The following UBE2V2 variants were observed in gnomAD, a reference collection of about 807,000 sequenced individuals.
UBE2V2 encodes ubiquitin conjugating enzyme E2 V2.
Under a neutral mutation model 17.2 loss-of-function variants are expected in UBE2V2, and 9 were observed. The ratio of observed to expected loss-of-function variants is 0.52; its 90% CI spans 0.32 to 0.91. UBE2V2 has a LOEUF of 0.91. UBE2V2 is among the 40% of genes least tolerant of loss of function. The pLI, the probability that UBE2V2 is intolerant of heterozygous loss-of-function variation, is 0.04. For synonymous variants in UBE2V2, 61 were observed against 57.5 expected, an observed-to-expected ratio of 1.06 and a Z score of -0.28; for missense variants, 133 against 182.6, an observed-to-expected ratio of 0.73 and a Z score of 1.56.
chr8:48,031,640 C>T (rs985888565), intron 1 of UBE2V2, among the ~76,000 whole-genome samples: 3 of 152,240 alleles, frequency 2.0e-5, no homozygotes, highest in Middle Eastern at 3.4e-3. Flanking sequence ...TTCAGATGTA[C>T]GAAGTTTGAC....
rs956619173 is a variant in UBE2V2, at chr8:48,033,343, C to T, written c.17-9690C>T. ...CTGGGATTATGGGCTTTCACCACCACGCTGGCTAATTTTTGTATTTTTAGT... is the reference window on the plus strand; with the variant it reads ...CTGGGATTATGGGCTTTCACCACCATGCTGGCTAATTTTTGTATTTTTAGT... On this transcript the variant is annotated intron_variant, in intron 1 of 3. Coordinates refer to ENST00000523111, the MANE Select transcript of UBE2V2 (RefSeq NM_003350.3). Among the ~76,000 whole-genome samples, 14 of 151,786 alleles carry T rather than the reference C, an allele frequency of 9.2e-5. 1 individual carries two copies. The highest frequency in any genetic ancestry group is 2.2e-4 in the African/African-American group (9 of 41,326).
At chr8:48,055,263 G>A (rs183460778) in intron 3 of UBE2V2, among the ~76,000 whole-genome samples, 338 of 149,136 alleles carry the variant, frequency 2.3e-3, no homozygotes, top group Middle Eastern at 7.0e-3. Flanking sequence ...GCAATGGTGC[G>A]ATCTTGGCTC....
intron 1 of UBE2V2, among the ~76,000 whole-genome samples, chr8:48,013,508 A>C (rs1199279014): frequency 6.6e-6 from 1 of 151,698 alleles, no homozygotes; most frequent in East Asian, 2.0e-4. Context: ...GTGGGGTTTC[A>C]CCGTGTTAGC....
chr8:48,008,299 G>A (rs1402796747), upstream of UBE2V2: 4 of 940,054 alleles, frequency 4.3e-6, no homozygotes, highest in Non-Finnish European at 5.7e-6. Flanking sequence ...GCGAGGCCCC[G>A]CGACCCCTCG....
intron 1 of UBE2V2, among the ~76,000 whole-genome samples, chr8:48,009,267 CTTTTT>C (rs143794770): frequency 1.0e-4 from 14 of 133,798 alleles, no homozygotes; most frequent in African/African-American, 2.7e-4. Context: ...CTTTTCTTTT[CTTTTT>C]TTTTTTTTTT....
At chr8:48,058,035 G>A (rs2091583823) in intron 3 of UBE2V2, among the ~76,000 whole-genome samples, 1 of 152,192 alleles carries the variant, frequency 6.6e-6, no homozygotes, top group African/African-American at 2.4e-5. Flanking sequence ...TTGAATGGAA[G>A]TGATGAGAAC....
chr8:48,003,142 G>A, the UBE2V2 span, among the ~76,000 whole-genome samples: 1 of 151,716 alleles, frequency 6.6e-6, no homozygotes, highest in African/African-American at 2.4e-5. Flanking sequence ...CTCGGGAGGT[G>A]GAGGTTGCAG....
At chr8:48,049,753 G>C (rs1389661676) in intron 2 of UBE2V2, 100 bp from the exon 3 acceptor site, 1 of 1,073,454 alleles carries the variant, frequency 9.3e-7, no homozygotes, top group African/African-American at 1.6e-5. Flanking sequence ...ACTGTCTTAC[G>C]TACATTCATA....
chr8:48,003,553 G>A (rs547211687), upstream of UBE2V2, among the ~76,000 whole-genome samples: 16 of 152,248 alleles, frequency 1.1e-4, no homozygotes, highest in South Asian at 1.2e-3. Flanking sequence ...TGCTTTGATC[G>A]CAGGTACTGA....
intron 1 of UBE2V2, among the ~76,000 whole-genome samples, chr8:48,013,654 C>G (rs1488631318): frequency 6.6e-6 from 1 of 152,130 alleles, no homozygotes. Context: ...ATTAATGGTA[C>G]AGTGAAGCTC....
intron 1 of UBE2V2, among the ~76,000 whole-genome samples, chr8:48,020,904 A>AT (rs746968265): frequency 1.5e-3 from 209 of 141,788 alleles, no homozygotes; most frequent in South Asian, 9.0e-3. Flanking sequence ...TGCCCAGCTA[A>AT]TTTTTTTTTT....
rs367808904 is a variant in UBE2V2 at position 48,027,945 on chromosome 8, C to T, written c.17-15088C>T. 5.3e-5 allele frequency among the ~76,000 whole-genome samples: 8 copies of T among 152,154 alleles called. No homozygotes were observed. The South Asian group carries it at 1.0e-3, about 20-fold the overall frequency. ...CTTGGCTCACTGCAACCTCTGCCTC[C>T]TGGGTTCAAGCGATTCTCCTGCCTC... On this transcript the variant is annotated intron_variant, in intron 1 of 3. Coordinates refer to ENST00000523111, the MANE Select transcript of UBE2V2 (RefSeq NM_003350.3).
intron 1 of UBE2V2, among the ~76,000 whole-genome samples, chr8:48,033,763 G>T (rs1227161628): frequency 1.3e-5 from 2 of 151,922 alleles, no homozygotes; most frequent in African/African-American, 4.8e-5. Flanking sequence ...TTCGAGACTA[G>T]CCTGGGCAAC....
At chr8:48,041,131 T>G (rs1237494224) in intron 1 of UBE2V2, among the ~76,000 whole-genome samples, 3 of 150,880 alleles carry the variant, frequency 2.0e-5, no homozygotes, top group East Asian at 1.9e-4. Flanking sequence ...CCCAAAGTGC[T>G]GGGATTACAG....
intron 1 of UBE2V2, among the ~76,000 whole-genome samples, chr8:48,027,700 A>G (rs757304007): frequency 6.6e-6 from 1 of 151,958 alleles, no homozygotes; most frequent in Non-Finnish European, 1.5e-5. Flanking sequence ...GTGTTTCACC[A>G]TGTTGCCCAG....
chr8:48,047,492 G>GT (rs1453085187), intron 2 of UBE2V2, among the ~76,000 whole-genome samples: 21 of 151,968 alleles, frequency 1.4e-4, no homozygotes, highest in African/African-American at 4.6e-4. Flanking sequence ...GTAAATATTA[G>GT]TTTGTTTTTC....
intron 1 of UBE2V2, among the ~76,000 whole-genome samples, chr8:48,025,076 A>T (rs2091331594): frequency 6.6e-6 from 1 of 151,856 alleles, no homozygotes; most frequent in Non-Finnish European, 1.5e-5. Flanking sequence ...CTGGAACTAC[A>T]GGCGTGTGCC....
intron 1 of UBE2V2, among the ~76,000 whole-genome samples, chr8:48,011,533 G>A (rs766149018): frequency 3.3e-5 from 5 of 152,114 alleles, no homozygotes; most frequent in Non-Finnish European, 7.4e-5. Context: ...TGTTTAAGAG[G>A]CCAAAAAGAA....
intron 1 of UBE2V2, among the ~76,000 whole-genome samples, chr8:48,020,067 A>G: frequency 6.7e-6 from 1 of 150,300 alleles, no homozygotes; most frequent in Non-Finnish European, 1.5e-5. Flanking sequence ...TTTTTGAGAC[A>G]AGGTCTCCCT....
Sources: allele counts gnomAD v4.1 joint callset (sites outside exome capture counted in the v4.1 genomes callset), GRCh38; gene constraint gnomAD v4.1.1; transcripts MANE v1.5; gene names NCBI Gene and HGNC (gene_info 2026-07-23, HGNC 2026-07-21).